Variants in CPEB3 observed in about 807,000 individuals in gnomAD.
CPEB3 encodes cytoplasmic polyadenylation element-binding protein 3.
Under a neutral mutation model 67.2 loss-of-function variants are expected in CPEB3, and 20 were observed. That is an observed-to-expected ratio of 0.30 (90% CI 0.21 to 0.43). The LOEUF is 0.43. CPEB3 is among the 20% of genes least tolerant of loss of function. The pLI, the probability that CPEB3 is intolerant of heterozygous loss-of-function variation, is 1.00. For missense variants in CPEB3, 746 were observed against 968.6 expected (o/e 0.77, Z 3.05); for synonymous variants, 376 against 393.1 (o/e 0.96, Z 0.51).
At chr10:92,180,842 G>T in intron 4 of CPEB3, 121 bp downstream of exon 4, 1 of 690,014 alleles carries the variant, frequency 1.4e-6, no homozygotes, top group East Asian at 2.7e-5. Context: ...CACTAGTACA[G>T]AACAATGGTC....
chr10:92,105,357 T>TGGCA (rs1173182040), intron 7 of CPEB3, among the ~76,000 whole-genome samples: 2 of 152,206 alleles, frequency 1.3e-5, no homozygotes, highest in Non-Finnish European at 1.5e-5. Context: ...CCAATTTAAT[T>TGGCA]TCTCTCTATT....
rs142939218 is a variant in CPEB3, at chr10:92,243,620, T to C, written c.-11-3259A>G. Among the ~76,000 whole-genome samples, 3 of 152,220 alleles carry C rather than the reference T, an allele frequency of 2.0e-5. No homozygotes were observed. The East Asian group carries it at 5.8e-4, about 29-fold the overall frequency. On this transcript the variant is annotated intron_variant, in intron 1 of 9. Coordinates refer to ENST00000265997, the MANE Select transcript of CPEB3 (RefSeq NM_014912.5). Reference sequence around the variant, plus strand: ...GGGTAGCTAGCAATAGGAATCCTACTAGAAAGAGACTGGGGTGGAGAGGAA... The same window carrying C: ...GGGTAGCTAGCAATAGGAATCCTACCAGAAAGAGACTGGGGTGGAGAGGAA...
chr10:92,217,081 G>A (rs1590415803), intron 2 of CPEB3, among the ~76,000 whole-genome samples: 1 of 145,562 alleles, frequency 6.9e-6, no homozygotes, highest in African/African-American at 2.5e-5. Flanking sequence ...AGTGGTATGC[G>A]CCTGTAGTCC....
chr10:92,134,964 T>C (rs928549047), intron 6 of CPEB3, among the ~76,000 whole-genome samples: 1 of 152,112 alleles, frequency 6.6e-6, no homozygotes, highest in African/African-American at 2.4e-5. Flanking sequence ...TAGCCATATG[T>C]AGAAAGCTGA....
intron 6 of CPEB3, among the ~76,000 whole-genome samples, chr10:92,127,237 C>G (rs955701070): frequency 1.3e-5 from 2 of 152,110 alleles, no homozygotes; most frequent in Admixed American, 6.6e-5. Context: ...TGCTTGAAGC[C>G]AAGAGTTCAA....
intron 4 of CPEB3, among the ~76,000 whole-genome samples, chr10:92,171,121 T>C (rs1198837716): frequency 6.6e-6 from 1 of 152,190 alleles, no homozygotes; most frequent in African/African-American, 2.4e-5. Context: ...GCTCCTCTCA[T>C]GTGGGAAGGA....
chr10:92,186,537 C>G (rs1286685035), intron 3 of CPEB3, among the ~76,000 whole-genome samples: 2 of 151,460 alleles, frequency 1.3e-5, no homozygotes, highest in African/African-American at 4.9e-5. Context: ...TGGGTTCAAG[C>G]GATTCTCCTG....
intron 4 of CPEB3, among the ~76,000 whole-genome samples, chr10:92,156,207 G>A (rs1847201497): frequency 6.6e-6 from 1 of 152,128 alleles, no homozygotes; most frequent in African/African-American, 2.4e-5. Context: ...CCTGGAAAGG[G>A]TAAGGTTTGA....
intron 7 of CPEB3, among the ~76,000 whole-genome samples, chr10:92,092,515 C>A (rs2133309931): frequency 6.6e-6 from 1 of 152,356 alleles, no homozygotes; most frequent in South Asian, 2.1e-4. Context: ...CATGGTGGCT[C>A]ACACCTGTAA....
chr10:92,091,666 G>A (rs753970839), intron 8 of CPEB3, among the ~76,000 whole-genome samples, 164 bp downstream of exon 8: 8 of 152,086 alleles, frequency 5.3e-5, no homozygotes, highest in African/African-American at 1.2e-4. Context: ...GAGCATTTTG[G>A]GAGAAAACCT....
intron 9 of CPEB3, among the ~76,000 whole-genome samples, chr10:92,078,444 G>A (rs989554076): frequency 2.0e-5 from 3 of 152,206 alleles, no homozygotes; most frequent in Non-Finnish European, 4.4e-5. Flanking sequence ...CCAGGAAGGA[G>A]TTACAGATGA....
At chr10:92,212,531 G>T (rs1259138778) in intron 2 of CPEB3, among the ~76,000 whole-genome samples, 1 of 152,100 alleles carries the variant, frequency 6.6e-6, no homozygotes, top group Non-Finnish European at 1.5e-5. Context: ...TTACAGGTGT[G>T]AGCCACTTTG....
At chr10:92,166,834 G>A (rs370326210) in intron 4 of CPEB3, among the ~76,000 whole-genome samples, 30 of 152,276 alleles carry the variant, frequency 2.0e-4, no homozygotes, top group African/African-American at 6.7e-4. Context: ...CTCCTCTCTC[G>A]TTATGAAAGT....
chr10:92,234,978 T>TATGTCAAAGGAGTTCCTATCTCA (rs1851458967), intron 2 of CPEB3, among the ~76,000 whole-genome samples: 1 of 152,134 alleles, frequency 6.6e-6, no homozygotes, highest in Admixed American at 6.5e-5. Context: ...ATAGTCCTCC[T>TATGTCAAAGGAGTTCCTATCTCA]ATGTCAAAGG....
intron 6 of CPEB3, among the ~76,000 whole-genome samples, chr10:92,116,586 A>T (rs1381224943): frequency 6.6e-6 from 1 of 152,138 alleles, no homozygotes; most frequent in African/African-American, 2.4e-5. Flanking sequence ...AAAATTATCA[A>T]CTTCCTCTGC....
At chr10:92,053,986 G>A (rs953560142) in intron 9 of CPEB3, among the ~76,000 whole-genome samples, 6 of 152,162 alleles carry the variant, frequency 3.9e-5, no homozygotes, top group Non-Finnish European at 7.4e-5. Context: ...ATGCCTGGTC[G>A]AAATAGTATC....
At chr10:92,248,625 A>G (rs2134760669) in intron 1 of CPEB3, among the ~76,000 whole-genome samples, 1 of 152,344 alleles carries the variant, frequency 6.6e-6, no homozygotes, top group South Asian at 2.1e-4. Flanking sequence ...TTCATTTAGA[A>G]GAGCAATTAA....
chr10:92,126,889 T>C (rs1166711198), intron 6 of CPEB3, among the ~76,000 whole-genome samples: 2 of 152,214 alleles, frequency 1.3e-5, no homozygotes, highest in East Asian at 3.8e-4. Flanking sequence ...TAAGGAACTT[T>C]CCACCTCTAA....
At chr10:92,055,971 T>C (rs1466267377) in intron 9 of CPEB3, among the ~76,000 whole-genome samples, 2 of 152,210 alleles carry the variant, frequency 1.3e-5, no homozygotes, top group Admixed American at 6.5e-5. Flanking sequence ...TGAGCCAAGA[T>C]TGTGTCATTG....
Sources: gnomAD v4.1 joint callset for allele counts (sites outside exome capture counted in the v4.1 genomes callset) on GRCh38, gnomAD v4.1.1 for gene constraint, MANE v1.5 for transcripts, NCBI Gene and HGNC (gene_info 2026-07-23, HGNC 2026-07-21) for gene names.